Variants in EFCAB8 observed in about 807,000 individuals in gnomAD.
The protein encoded by EFCAB8 is EF-hand calcium-binding domain-containing protein 8.
In EFCAB8, 100 loss-of-function variants were observed where a neutral mutation model predicts 116.3. That is an observed-to-expected ratio of 0.86 (90% CI 0.73 to 1.02). The LOEUF is 1.02. Among genes scored for constraint, EFCAB8 ranks in the 50% least tolerant of loss-of-function variants. The pLI is 0.00. For synonymous variants in EFCAB8, 558 were observed against 567.9 expected, an observed-to-expected ratio of 0.98 and a Z score of 0.25; for missense variants, 1,320 against 1,416.9, an observed-to-expected ratio of 0.93 and a Z score of 1.10.
chr20:32,934,012 A>C (rs1340053579), intron 22 of EFCAB8, among the ~76,000 whole-genome samples: 10 of 98,152 alleles, frequency 1.0e-4, no homozygotes, highest in Non-Finnish European at 6.1e-5. Context: ...CAAATCAAAA[A>C]CTTTTTTTTT....
At chr20:32,862,732 ATCC>A (rs1984176186) in intron 1 of EFCAB8, among the ~76,000 whole-genome samples, 1 of 152,078 alleles carries the variant, frequency 6.6e-6, no homozygotes, top group South Asian at 2.1e-4. Flanking sequence ...GGTTCAAGCA[ATCC>A]TCCTGCCTCA....
chr20:32,875,502 G>GTTTTTGGTTTTTTTTT, intron 3 of EFCAB8, among the ~76,000 whole-genome samples: 1 of 89,892 alleles, frequency 1.1e-5, no homozygotes, highest in Non-Finnish European at 2.6e-5. Flanking sequence ...AAACATGGTG[G>GTTTTTGGTTTTTTTTT]TTTTTTTTTT....
At chr20:32,921,393 T>TGTGTGTGTGTG (rs752656858) in intron 20 of EFCAB8, among the ~76,000 whole-genome samples, 5 of 107,456 alleles carry the variant, frequency 4.7e-5, no homozygotes, top group South Asian at 2.9e-4. Context: ...GTGTGTGTGT[T>TGTGTGTGTGTG]TTTGTAGAGA....
In EFCAB8 at chr20:32,917,415, T is replaced by G; in HGVS notation, c.1971T>G (p.Ser657Arg). Reference protein sequence around the residue: ...RNQFLGTSSYSGDILFWNTGT... With the variant: ...RNQFLGTSSYRGDILFWNTGT... Reference sequence around the variant, plus strand: ...AGTTCCTTGGGACCTCCTCCTACAGTGGGGACATCCTCTTCTGGAACACCG... The same window carrying G: ...AGTTCCTTGGGACCTCCTCCTACAGGGGGGACATCCTCTTCTGGAACACCG... Residue 657 changes from serine to arginine, a missense_variant, in exon 18 of 27, where the codon AGT (serine) becomes AGG (arginine). Coordinates refer to ENST00000400522, the MANE Select transcript of EFCAB8 (RefSeq NM_001143967.2). The G allele has an allele frequency of 6.4e-7, 1 of 1,551,978 alleles. No individual in the cohort carries two copies. The highest frequency in any genetic ancestry group is 8.7e-7 in the Non-Finnish European group (1 of 1,147,030).
At position 32,867,814 on chromosome 20, in the gene EFCAB8, G is replaced by T. The variant is rs1324315339; in HGVS notation, c.208+67G>T. ...AACAGGGCAGGACCGAGTACCTGGG[G>T]TGTGTGGAGGGTTCAGACATAATAA... is the stretch of plus-strand genomic sequence containing the variant. On this transcript the variant is annotated intron_variant, in intron 3 of 26. Coordinates refer to ENST00000400522, the MANE Select transcript of EFCAB8 (RefSeq NM_001143967.2). 6 of 1,489,370 alleles carry T rather than the reference G, an allele frequency of 4.0e-6. No homozygotes were observed. In the Admixed American group the frequency reaches 9.1e-5, roughly 23 times the overall value. 92.3% of individuals were successfully genotyped at this position (1,489,370 alleles called of 1,614,324 possible).
chr20:32,916,760 A>G (rs1987208486), intron 17 of EFCAB8, among the ~76,000 whole-genome samples: 1 of 152,130 alleles, frequency 6.6e-6, no homozygotes, highest in Admixed American at 6.5e-5. Context: ...TATAATTATA[A>G]AGTATATTCA....
In EFCAB8 at chr20:32,867,587, C is replaced by T. The variant is rs1188288160; in HGVS notation, c.48C>T (p.Ser16=). 6.4e-7 allele frequency: 1 copy of T among 1,551,240 alleles called. No individual in the cohort carries two copies. The highest frequency in any genetic ancestry group is 1.4e-5 in the African/African-American group (1 of 73,012). ...TCTTGTTATATTCGTTCCAGCTGTC[C>T]ATCCCACATGGCTTCCAGAACAAGG... ...LAEIPQLQKL[S]IPHGFQNKEA... The change falls in exon 3 of 27, where the codon TCC becomes TCT. Residue 16 remains serine, a synonymous_variant. Coordinates refer to ENST00000400522, the MANE Select transcript of EFCAB8 (RefSeq NM_001143967.2).
At chr20:32,951,548 A>G (rs1026157217) in intron 23 of EFCAB8, among the ~76,000 whole-genome samples, 1 of 150,754 alleles carries the variant, frequency 6.6e-6, no homozygotes, top group Admixed American at 6.6e-5. Flanking sequence ...GTTTGAGGAT[A>G]GGGGGCTGAT....
At chr20:32,910,669 T>TA (rs1986876472) in intron 15 of EFCAB8, among the ~76,000 whole-genome samples, 1 of 151,066 alleles carries the variant, frequency 6.6e-6, no homozygotes, top group Non-Finnish European at 1.5e-5. Context: ...GTTTAAAATT[T>TA]AAAAAAATTA....
Position 32,875,502 on chromosome 20 carries a change from G to GTTTTTTTTTTTTTTTTTTTTTTTTT in EFCAB8, c.209-406_209-405insTTTTTTTTTTTTTTTTTTTTTTTTT, listed in dbSNP as rs57620114. 1.3e-3 allele frequency among the ~76,000 whole-genome samples: 120 copies of GTTTTTTTTTTTTTTTTTTTTTTTTT among 89,872 alleles called. 24 individuals carry two copies. The highest frequency in any genetic ancestry group is 8.6e-3 in the Middle Eastern group (1 of 116). The allele number at this position is 89,872 out of a possible 152,430, so 59.0% of individuals were successfully genotyped here. ...CTGAGCACACCTGGTAAACATGGTG[G>GTTTTTTTTTTTTTTTTTTTTTTTTT]TTTTTTTTTTTTTTTTTTGAGACAG... On this transcript the variant is annotated intron_variant, in intron 3 of 26. Coordinates refer to ENST00000400522, the MANE Select transcript of EFCAB8 (RefSeq NM_001143967.2).
chr20:32,883,882 G>C (rs2146199984), intron 5 of EFCAB8, among the ~76,000 whole-genome samples: 1 of 152,148 alleles, frequency 6.6e-6, no homozygotes, highest in South Asian at 2.1e-4. Flanking sequence ...GTAGAGATGG[G>C]GTTTCACCAC....
At chr20:32,934,684 A>T (rs1354918702) in intron 22 of EFCAB8, among the ~76,000 whole-genome samples, 1 of 152,126 alleles carries the variant, frequency 6.6e-6, no homozygotes, top group African/African-American at 2.4e-5. Flanking sequence ...CACCATTCTA[A>T]TGATAGTGAA....
chr20:32,956,874 C>T (rs1600472743), intron 23 of EFCAB8, among the ~76,000 whole-genome samples: 1 of 151,394 alleles, frequency 6.6e-6, no homozygotes, highest in East Asian at 1.9e-4. Context: ...TCTCTCCTCT[C>T]ATTGTGGGGG....
intron 22 of EFCAB8, 162 bp downstream of exon 22, chr20:32,931,498 C>A (rs1987909613): frequency 5.4e-6 from 3 of 554,920 alleles, no homozygotes; most frequent in African/African-American, 2.0e-5. Context: ...GTGGCCCACG[C>A]CTGTAATCCC....
At chr20:32,906,798 C>A in intron 12 of EFCAB8, 45 bp from the exon 13 acceptor site, 1 of 960,194 alleles carries the variant, frequency 1.0e-6, no homozygotes, top group Non-Finnish European at 1.6e-6. Context: ...GGGTGAAGGT[C>A]CCCAGTGGAG....
intron 3 of EFCAB8, among the ~76,000 whole-genome samples, chr20:32,874,666 C>T (rs1422282834): frequency 1.3e-5 from 2 of 152,166 alleles, no homozygotes; most frequent in Non-Finnish European, 2.9e-5. Flanking sequence ...CTCAGCCTCC[C>T]AAGTAGCTGG....
intron 17 of EFCAB8, among the ~76,000 whole-genome samples, chr20:32,913,430 A>C (rs981918533): frequency 1.4e-4 from 22 of 152,074 alleles, no homozygotes; most frequent in African/African-American, 5.3e-4. Flanking sequence ...CCCACCTCCA[A>C]ATTTCCTCGC....
At chr20:32,947,235 G>A (rs1988623959) in intron 23 of EFCAB8, among the ~76,000 whole-genome samples, 1 of 152,086 alleles carries the variant, frequency 6.6e-6, no homozygotes, top group African/African-American at 2.4e-5. Context: ...TGTTTGATCT[G>A]TTATTATTTT....
At chr20:32,953,028 G>A (rs576266886) in intron 23 of EFCAB8, among the ~76,000 whole-genome samples, 18 of 152,114 alleles carry the variant, frequency 1.2e-4, no homozygotes, top group Admixed American at 3.3e-4. Flanking sequence ...CTGTTTCTAC[G>A]AATTTAACTA....
Sources: allele counts gnomAD v4.1 joint callset (sites outside exome capture counted in the v4.1 genomes callset), GRCh38; gene constraint gnomAD v4.1.1; transcripts MANE v1.5; gene names NCBI Gene and HGNC (gene_info 2026-07-23, HGNC 2026-07-21).